CNTNAP2: variants seen among roughly 807,000 people sequenced by gnomAD.
The protein encoded by CNTNAP2 is contactin associated protein 2, also known as contactin-associated protein-like 2.
CNTNAP2 carries 98 observed loss-of-function variants against 155.2 expected under a neutral mutation model. The observed-to-expected ratio is 0.63, with a 90% CI of 0.54 to 0.75. The LOEUF (loss-of-function observed/expected upper bound fraction) is 0.75, where lower values mean the gene tolerates loss of function less well. Among genes scored for constraint, CNTNAP2 ranks in the 30% least tolerant of loss-of-function variants. CNTNAP2 has a pLI of 0.00. For synonymous variants in CNTNAP2, 651 were observed against 631.2 expected, an observed-to-expected ratio of 1.03 and a Z score of -0.47; for missense variants, 1,727 against 1,688.1, an observed-to-expected ratio of 1.02 and a Z score of -0.40.
intron 13 of CNTNAP2, among the ~76,000 whole-genome samples, chr7:147,804,087 T>C (rs113412982): frequency 9.2e-5 from 14 of 152,358 alleles, no homozygotes; most frequent in African/African-American, 3.4e-4. Context: ...ACCAAATTTT[T>C]AGATGAATTA....
At chr7:147,295,988 C>A (rs894377660) in intron 8 of CNTNAP2, among the ~76,000 whole-genome samples, 11 of 151,962 alleles carry the variant, frequency 7.2e-5, no homozygotes, top group Admixed American at 2.6e-4. Flanking sequence ...AATAATAGAC[C>A]TTTTGCCATG....
At chr7:146,977,363 G>A (rs1437910924) in intron 3 of CNTNAP2, among the ~76,000 whole-genome samples, 1 of 152,126 alleles carries the variant, frequency 6.6e-6, no homozygotes, top group Non-Finnish European at 1.5e-5. Context: ...AATGAATAGA[G>A]AAGGAAAGGA....
chr7:147,792,779 T>C (rs1797839506), intron 13 of CNTNAP2, among the ~76,000 whole-genome samples: 1 of 152,170 alleles, frequency 6.6e-6, no homozygotes, highest in African/African-American at 2.4e-5. Flanking sequence ...ACTGCCAGAC[T>C]GTTTTTCAAA....
chr7:147,588,911 G>A (rs1800686130), intron 12 of CNTNAP2, among the ~76,000 whole-genome samples: 1 of 152,138 alleles, frequency 6.6e-6, no homozygotes, highest in Non-Finnish European at 1.5e-5. Flanking sequence ...CGAAAAGAAT[G>A]CAGCAACTAG....
rs372883343 is a variant in CNTNAP2, at chr7:146,613,622, T to C, written c.98-160649T>C. ...AAATATGATTTTTACATCTGTTCAA[T>C]ATGAGAACTATAGGTAGGATGTTGG... On this transcript the variant is annotated intron_variant, in intron 1 of 23. Coordinates refer to ENST00000361727, the MANE Select transcript of CNTNAP2 (RefSeq NM_014141.6). 4.0e-4 allele frequency among the ~76,000 whole-genome samples: 61 copies of C among 152,334 alleles called. No homozygotes were observed. In the South Asian group the frequency reaches 9.9e-3, roughly 25 times the overall value.
intron 8 of CNTNAP2, among the ~76,000 whole-genome samples, chr7:147,252,168 G>A (rs1804213584): frequency 6.6e-6 from 1 of 152,152 alleles, no homozygotes. Context: ...AAACATTTGG[G>A]TGAGGGGTGG....
intron 10 of CNTNAP2, among the ~76,000 whole-genome samples, chr7:147,456,643 T>C (rs1797922519): frequency 6.6e-6 from 1 of 152,102 alleles, no homozygotes; most frequent in African/African-American, 2.4e-5. Context: ...GGGAAATTTG[T>C]TGCTGTGAAG....
intron 1 of CNTNAP2, among the ~76,000 whole-genome samples, chr7:146,132,233 G>A (rs1464113291): frequency 6.6e-6 from 1 of 152,016 alleles, no homozygotes; most frequent in African/African-American, 2.4e-5. Context: ...GATGTCTGTT[G>A]GCCTTGAATA....
chr7:148,271,654 A>G (rs1193932349), intron 21 of CNTNAP2, among the ~76,000 whole-genome samples: 1 of 152,210 alleles, frequency 6.6e-6, no homozygotes, highest in East Asian at 1.9e-4. Flanking sequence ...AAGGAGTCTC[A>G]GTGAAGACCC....
chr7:146,853,886 C>T (rs759959110), intron 3 of CNTNAP2, among the ~76,000 whole-genome samples: 3 of 152,050 alleles, frequency 2.0e-5, no homozygotes, highest in Non-Finnish European at 4.4e-5. Flanking sequence ...ATTAGGTTTA[C>T]AATTTATAAA....
chr7:146,519,824 G>A (rs2129137113), intron 1 of CNTNAP2, among the ~76,000 whole-genome samples: 1 of 151,912 alleles, frequency 6.6e-6, no homozygotes, highest in Admixed American at 6.6e-5. Context: ...TGTAAATTCA[G>A]TAATCATGAA....
At chr7:147,328,985 G>T (rs1189335693) in intron 9 of CNTNAP2, among the ~76,000 whole-genome samples, 1 of 152,154 alleles carries the variant, frequency 6.6e-6, no homozygotes, top group Non-Finnish European at 1.5e-5. Context: ...AGACCAAGAG[G>T]AAAGGTGAAG....
At chr7:148,295,352 TTTC>T (rs1411057449) in intron 21 of CNTNAP2, among the ~76,000 whole-genome samples, 1 of 152,090 alleles carries the variant, frequency 6.6e-6, no homozygotes. Flanking sequence ...GAACTAAGGT[TTTC>T]TTCTTATCTT....
intron 11 of CNTNAP2, among the ~76,000 whole-genome samples, chr7:147,547,628 T>TAA (rs1554404032): frequency 0.22 from 28,142 of 129,324 alleles, 2,935 homozygotes; most frequent in East Asian, 0.41. Flanking sequence ...TTATTTCTTC[T>TAA]AAACACACAC....
intron 15 of CNTNAP2, among the ~76,000 whole-genome samples, chr7:148,096,627 T>C (rs1803978232): frequency 1.3e-5 from 2 of 152,080 alleles, no homozygotes; most frequent in African/African-American, 4.8e-5. Context: ...GGAGACACAT[T>C]GGCAAGGTCA....
chr7:146,388,020 G>A (rs568789436), intron 1 of CNTNAP2, among the ~76,000 whole-genome samples: 1 of 151,202 alleles, frequency 6.6e-6, no homozygotes, highest in East Asian at 1.9e-4. Context: ...GTGTGTGTGT[G>A]TGTGTGTATT....
intron 13 of CNTNAP2, among the ~76,000 whole-genome samples, chr7:147,860,120 C>A (rs1251437680): frequency 6.6e-6 from 1 of 151,962 alleles, no homozygotes; most frequent in Non-Finnish European, 1.5e-5. Flanking sequence ...CTCACAAAAT[C>A]TAATACTTTG....
chr7:147,618,014 C>T (rs1366480469), intron 12 of CNTNAP2, among the ~76,000 whole-genome samples: 5 of 152,146 alleles, frequency 3.3e-5, no homozygotes, highest in African/African-American at 1.2e-4. Context: ...TGTTCAAGTG[C>T]TGATTGATTG....
chr7:147,922,918 T>G (rs1036755820), intron 14 of CNTNAP2, among the ~76,000 whole-genome samples: 7 of 152,142 alleles, frequency 4.6e-5, no homozygotes, highest in African/African-American at 1.7e-4. Context: ...AAGAACATTT[T>G]TTAAAAACAC....
Sources: gnomAD v4.1 joint callset for allele counts (sites outside exome capture counted in the v4.1 genomes callset) on GRCh38, gnomAD v4.1.1 for gene constraint, MANE v1.5 for transcripts, NCBI Gene and HGNC (gene_info 2026-07-23, HGNC 2026-07-21) for gene names.